Variants in PER2 observed in about 807,000 individuals in gnomAD.
PER2 encodes the protein period circadian protein homolog 2.
A neutral mutation model predicts 121.0 loss-of-function variants in PER2; 66 were observed. That is an observed-to-expected ratio of 0.55 (90% confidence interval 0.45 to 0.67). PER2 has a LOEUF of 0.67. PER2 is among the 30% of genes least tolerant of loss of function. PER2 has a pLI of 0.00. For missense variants in PER2, 1,521 were observed against 1,635.0 expected, an observed-to-expected ratio of 0.93 and a Z score of 1.20; for synonymous variants, 684 against 659.9, an observed-to-expected ratio of 1.04 and a Z score of -0.56.
chr2:238,249,170 C>A lies in PER2; in HGVS notation c.3510G>T (p.Lys1170Asn), dbSNP rs764139123. 6.2e-7 allele frequency: 1 copy of A among 1,614,004 alleles called. No individual in the cohort carries two copies. The highest frequency in any genetic ancestry group is 1.3e-5 in the African/African-American group (1 of 74,940). Residue 1170 changes from lysine (K) to asparagine (N), a missense_variant, in exon 22 of 23, where the codon AAG becomes AAT. Transcript: ENST00000254657. ...AVLKEDREKL[K>N]LLQKLQPRFT... ...ACCTGGGCTGGAGTTTCTGTAGGAG[C>A]TTCAGCTTCTCTCTGTCCTCCTTCA...
Position 238,277,747 on chromosome 2 carries a change from C to G in PER2, c.190G>C (p.Glu64Gln). ...QGSDCDDSGK[E>Q]LGMLVEPPDA... ...GGTGGCTCCACCAGCATCCCCAGCT[C>G]CTTCCCACTGTCGTCACAGTCACTG... The change falls in exon 2 of 23, where the codon GAG (glutamate) becomes CAG (glutamine). Residue 64 changes from glutamate to glutamine, a missense_variant. Coordinates refer to ENST00000254657, the MANE Select transcript of PER2 (RefSeq NM_022817.3). 1 of 1,614,236 alleles carries G rather than the reference C, an allele frequency of 6.2e-7. No individual in the cohort carries two copies. The highest frequency in any genetic ancestry group is 1.1e-5 in the South Asian group (1 of 91,086).
At position 238,268,234 on chromosome 2, in the gene PER2, T is replaced by C. The variant is rs2106313839; in HGVS notation, c.825-36A>G. 2 of 1,610,116 alleles carry C rather than the reference T, an allele frequency of 1.2e-6. No homozygotes were observed. The highest frequency in any genetic ancestry group is 1.1e-5 in the South Asian group (1 of 90,902). On this transcript the variant is annotated intron_variant, in intron 7 of 22. Transcript: ENST00000254657. The surrounding 1 kb of genome is among the most constrained non-coding windows in gnomAD (Gnocchi z 4.0). ...GAGCCACGCTCTAAGTTGGGAACTG[T>C]GACACAGGAACAGTCCCCTGTTCTG... is the stretch of plus-strand genomic sequence containing the variant.
chr2:238,264,160 T>C (rs985825517), intron 9 of PER2, among the ~76,000 whole-genome samples: 2 of 152,226 alleles, frequency 1.3e-5, no homozygotes, highest in African/African-American at 4.8e-5. Flanking sequence ...CCAACCTCCC[T>C]GCACAGGGCT....
chr2:238,274,774 G>A (rs556931024), intron 4 of PER2, among the ~76,000 whole-genome samples: 11 of 152,190 alleles, frequency 7.2e-5, no homozygotes, highest in Non-Finnish European at 1.2e-4. Flanking sequence ...GACCAGCACC[G>A]ACGAGTAGCC....
intron 17 of PER2, among the ~76,000 whole-genome samples, chr2:238,256,330 A>T (rs191874337): frequency 2.0e-5 from 3 of 152,356 alleles, no homozygotes; most frequent in African/African-American, 7.2e-5. Flanking sequence ...AGGGACAGGC[A>T]GGGCCACTGA....
At chr2:238,271,772 T>C (rs1195364713) in intron 5 of PER2, among the ~76,000 whole-genome samples, 2 of 152,328 alleles carry the variant, frequency 1.3e-5, no homozygotes, top group South Asian at 2.1e-4. Flanking sequence ...ATCAGCCTAA[T>C]GGCTAAGGTC....
chr2:238,261,432 T>C (rs1695928051), intron 12 of PER2: 1 of 463,952 alleles, frequency 2.2e-6, no homozygotes, highest in African/African-American at 2.0e-5. Context: ...CACTGAGAGG[T>C]CACTCTGGAA....
rs1040297545 is a variant in PER2 at position 238,255,672 on chromosome 2, G to C, written c.2305C>G (p.Gln769Glu). 1.9e-6 allele frequency: 3 copies of C among 1,614,088 alleles called. No homozygotes were observed. Among genetic ancestry groups the C allele is most frequent in the African/African-American group, 1.3e-5 (1 of 74,956 alleles). Residue 769 changes from glutamine (Q) to glutamate (E), a missense_variant, in exon 18 of 23, where the codon CAG (glutamine) becomes GAG (glutamate). Transcript: ENST00000254657. ...TATCACTTACTTCGTTCACTTGGCT[G>C]CCCCTTGGATCTTTCTTGCAAGTAG... ...HYYLQERSKG[Q>E]PSERTAPGLR...
In PER2 at chr2:238,251,802, G is replaced by A; in HGVS notation, c.3112-41C>T. ...GCAGATACTGCTGTTCAGGGGCTCAGTCAGGACACAGCATATGCAGCGGGG... is the reference window on the plus strand; with the variant it reads ...GCAGATACTGCTGTTCAGGGGCTCAATCAGGACACAGCATATGCAGCGGGG... On this transcript the variant is annotated intron_variant, in intron 19 of 22. Transcript: ENST00000254657. The A allele has an allele frequency of 8.8e-6, 8 of 904,922 alleles. No homozygotes were observed. The African/African-American group carries it at 1.0e-4, about 12-fold the overall frequency. The allele number at this position is 904,922 out of a possible 1,614,324, so 56.1% of individuals were successfully genotyped here.
At chr2:238,279,600 G>A (rs1559336354) in intron 1 of PER2, among the ~76,000 whole-genome samples, 1 of 152,154 alleles carries the variant, frequency 6.6e-6, no homozygotes, top group Non-Finnish European at 1.5e-5. Context: ...GCCCTTCCCA[G>A]GGCAGCTGGA....
chr2:238,289,573 T>A (rs761892904), upstream of PER2: 1 of 152,264 alleles, frequency 6.6e-6, no homozygotes. Context: ...GAAAGGACTA[T>A]CTCATAAAAA....
intron 14 of PER2, among the ~76,000 whole-genome samples, chr2:238,259,300 G>A (rs1416320448): frequency 1.3e-5 from 2 of 152,262 alleles, no homozygotes; most frequent in Non-Finnish European, 2.9e-5. Context: ...GGGCCCACCA[G>A]GGGGAGGGGA....
intron 1 of PER2, among the ~76,000 whole-genome samples, chr2:238,284,659 G>A (rs1696731764): frequency 6.6e-6 from 1 of 152,174 alleles, no homozygotes; most frequent in Non-Finnish European, 1.5e-5. Flanking sequence ...CGGGTGCTTT[G>A]CACGTAGCTC....
chr2:238,275,077 A>C (rs560650163), intron 4 of PER2, among the ~76,000 whole-genome samples: 1 of 152,334 alleles, frequency 6.6e-6, no homozygotes, highest in Non-Finnish European at 1.5e-5. Context: ...CTAACTGTAC[A>C]CTGTGCTTTG....
intron 1 of PER2, among the ~76,000 whole-genome samples, chr2:238,279,456 G>A (rs182917165): frequency 2.6e-5 from 4 of 152,270 alleles, no homozygotes; most frequent in Admixed American, 6.5e-5. Context: ...CAGGCCTGCC[G>A]GCATCTGAAG....
intron 22 of PER2, 143 bp from the exon 23 acceptor site, chr2:238,246,667 G>A (rs970353454): frequency 8.8e-6 from 5 of 567,464 alleles, no homozygotes; most frequent in African/African-American, 3.8e-5. Flanking sequence ...ACGACGTCAG[G>A]AGATCGAGAC....
chr2:238,283,399 G>A (rs924266872), intron 1 of PER2, among the ~76,000 whole-genome samples: 3 of 152,196 alleles, frequency 2.0e-5, no homozygotes, highest in African/African-American at 7.2e-5. Flanking sequence ...GCAATTCCCA[G>A]TAAAGTGCTC....
Position 238,245,750 on chromosome 2 carries a change from C to T in PER2, c.*625G>A, listed in dbSNP as rs904108845. 2.5e-6 allele frequency: 1 copy of T among 398,204 alleles called. No homozygotes were observed. Among genetic ancestry groups the T allele is most frequent in the African/African-American group, 2.1e-5 (1 of 48,618 alleles). The allele number at this position is 398,204 out of a possible 1,614,324, so 24.7% of individuals were successfully genotyped here. A position where few individuals can be genotyped will look rare whatever the true frequency, so the allele number is the denominator to read the frequency against. ...AGAGCAAATGTTTCAACTTTGTTCA[C>T]TACAAACAAAACCTATGTCAGACTG... On this transcript the variant is annotated 3_prime_UTR_variant, in exon 23 of 23. Coordinates refer to ENST00000254657, the MANE Select transcript of PER2 (RefSeq NM_022817.3).
At chr2:238,256,436 T>C (rs1695762002) in intron 17 of PER2, among the ~76,000 whole-genome samples, 1 of 152,232 alleles carries the variant, frequency 6.6e-6, no homozygotes, top group South Asian at 2.1e-4. Context: ...TCAGGATTCA[T>C]TTTAATCATA....
Sources: gnomAD v4.1 joint callset for allele counts (sites outside exome capture counted in the v4.1 genomes callset) on GRCh38, gnomAD v4.1.1 for gene constraint, Gnocchi (gnomAD v3.1) non-coding constraint, MANE v1.5 for transcripts, NCBI Gene and HGNC (gene_info 2026-07-23, HGNC 2026-07-21) for gene names.